Variants in ERBB4 observed in about 807,000 individuals in gnomAD.
The protein encoded by ERBB4 is receptor tyrosine-protein kinase erbB-4.
ERBB4 carries 42 observed loss-of-function variants against 158.0 expected under a neutral mutation model. The observed-to-expected ratio is 0.27, with a 90% confidence interval of 0.21 to 0.34. The LOEUF is 0.34. ERBB4 is among the 10% of genes least tolerant of loss of function. ERBB4 has a pLI of 1.00. For synonymous variants in ERBB4, 583 were observed against 558.7 expected, an observed-to-expected ratio of 1.04 and a Z score of -0.61; for missense variants, 1,333 against 1,624.1, an observed-to-expected ratio of 0.82 and a Z score of 3.08.
chr2:211,584,919 A>G (rs1053649039), intron 19 of ERBB4, among the ~76,000 whole-genome samples: 3 of 151,988 alleles, frequency 2.0e-5, no homozygotes, highest in Non-Finnish European at 4.4e-5. Flanking sequence ...TGTTTTATTT[A>G]TTTGTGGCGC....
At chr2:212,098,168 C>T (rs989272465) in intron 2 of ERBB4, among the ~76,000 whole-genome samples, 3 of 152,126 alleles carry the variant, frequency 2.0e-5, no homozygotes, top group African/African-American at 7.2e-5. Flanking sequence ...GAAGCTTAAT[C>T]TTCATGGCTC....
chr2:211,731,546 G>C (rs1326572371), intron 5 of ERBB4, among the ~76,000 whole-genome samples: 1 of 152,060 alleles, frequency 6.6e-6, no homozygotes, highest in Non-Finnish European at 1.5e-5. Flanking sequence ...GTGTTTATTT[G>C]TCAGTATTTT....
intron 4 of ERBB4, among the ~76,000 whole-genome samples, chr2:211,751,254 ATGT>A (rs571462499): frequency 1.1e-3 from 170 of 152,294 alleles, no homozygotes; most frequent in Non-Finnish European, 2.1e-3. Flanking sequence ...TACTTCTAAA[ATGT>A]TTATTAACAT....
intron 26 of ERBB4, 79 bp downstream of exon 26, chr2:211,387,866 T>C (rs970620634): frequency 4.0e-5 from 45 of 1,121,310 alleles, no homozygotes; most frequent in Non-Finnish European, 6.2e-5. Context: ...ATGAGGAAAT[T>C]ATGCAGAGAC....
intron 16 of ERBB4, among the ~76,000 whole-genome samples, chr2:211,644,388 C>T (rs371867726): frequency 6.6e-6 from 1 of 151,770 alleles, no homozygotes; most frequent in Non-Finnish European, 1.5e-5. Flanking sequence ...AAAGCTATTG[C>T]CTAGGCGATG....
intron 1 of ERBB4, among the ~76,000 whole-genome samples, chr2:212,300,486 A>T (rs991767485): frequency 7.3e-5 from 11 of 151,542 alleles, no homozygotes; most frequent in African/African-American, 2.7e-4. Context: ...AGTACGTCTG[A>T]ATTTTTCTTG....
chr2:211,760,069 A>C (rs543360922), intron 4 of ERBB4, among the ~76,000 whole-genome samples: 1 of 152,358 alleles, frequency 6.6e-6, no homozygotes, highest in South Asian at 2.1e-4. Flanking sequence ...ATGAAAATAC[A>C]CATTAAGAAA....
Position 212,085,354 on chromosome 2 carries a change from A to T in ERBB4, c.234+39398T>A, listed in dbSNP as rs1333621741. On this transcript the variant is annotated intron_variant, in intron 2 of 27. Transcript: ENST00000342788. ...TACATGTGTATTATTTTGTTTCATG[A>T]ATCTTAGAGATAAAAGGCTGTATTT... 2.0e-5 allele frequency among the ~76,000 whole-genome samples: 3 copies of T among 151,978 alleles called. No individual in the cohort carries two copies. In the South Asian group the frequency reaches 6.2e-4, roughly 31 times the overall value.
intron 3 of ERBB4, among the ~76,000 whole-genome samples, chr2:211,909,059 A>T (rs1184711500): frequency 1.3e-5 from 2 of 151,712 alleles, no homozygotes; most frequent in African/African-American, 4.8e-5. Context: ...AAATTATTAG[A>T]ATATTATAAA....
intron 3 of ERBB4, among the ~76,000 whole-genome samples, chr2:211,904,411 T>C (rs1167434230): frequency 6.6e-6 from 1 of 152,112 alleles, no homozygotes; most frequent in East Asian, 1.9e-4. Context: ...GCTGAAACTC[T>C]AGGAGAAAAA....
At chr2:212,208,835 A>T (rs2082844899) in intron 1 of ERBB4, among the ~76,000 whole-genome samples, 1 of 152,166 alleles carries the variant, frequency 6.6e-6, no homozygotes, top group Non-Finnish European at 1.5e-5. Context: ...CATACTTTCA[A>T]CTAAATGAAA....
intron 20 of ERBB4, among the ~76,000 whole-genome samples, chr2:211,439,935 T>A (rs1275131999): frequency 6.6e-6 from 1 of 152,178 alleles, no homozygotes; most frequent in Non-Finnish European, 1.5e-5. Flanking sequence ...TTTTTTTTCT[T>A]GCTCCTTACA....
intron 3 of ERBB4, among the ~76,000 whole-genome samples, chr2:211,944,860 T>C (rs542040911): frequency 2.6e-4 from 39 of 152,190 alleles, no homozygotes; most frequent in African/African-American, 9.1e-4. Flanking sequence ...ATGGTGATGG[T>C]CCATTAAGAA....
intron 2 of ERBB4, among the ~76,000 whole-genome samples, chr2:212,032,709 G>T (rs1476593833): frequency 6.6e-6 from 1 of 151,930 alleles, no homozygotes. Context: ...ATTTGGTGGG[G>T]GAGGGTGGTA....
At chr2:212,346,946 T>C (rs1255046743) in intron 1 of ERBB4, among the ~76,000 whole-genome samples, 1 of 152,130 alleles carries the variant, frequency 6.6e-6, no homozygotes, top group East Asian at 1.9e-4. Context: ...AACATTCTTT[T>C]TATTGTACTT....
chr2:211,672,605 A>C (rs2071884038), intron 14 of ERBB4, among the ~76,000 whole-genome samples: 1 of 152,116 alleles, frequency 6.6e-6, no homozygotes, highest in Non-Finnish European at 1.5e-5. Context: ...CCTTCTTTCC[A>C]CTGTCTTTCA....
intron 1 of ERBB4, among the ~76,000 whole-genome samples, chr2:212,455,902 T>C (rs970983704): frequency 6.6e-6 from 1 of 152,156 alleles, no homozygotes; most frequent in Non-Finnish European, 1.5e-5. Flanking sequence ...GGGACCATGC[T>C]AGGTGCTGGG....
chr2:212,357,165 T>C (rs931492237), intron 1 of ERBB4, among the ~76,000 whole-genome samples: 3 of 151,914 alleles, frequency 2.0e-5, no homozygotes, highest in Non-Finnish European at 4.4e-5. Flanking sequence ...CATTTTCTTT[T>C]TGTTTACAAT....
chr2:211,431,129 T>C (rs1208482461), intron 20 of ERBB4, 29 bp from the exon 21 acceptor site: 1 of 1,604,160 alleles, frequency 6.2e-7, no homozygotes, highest in Admixed American at 1.7e-5. Context: ...CTTAATGATA[T>C]TCAGTTAATG....
Sources: allele counts gnomAD v4.1 joint callset (sites outside exome capture counted in the v4.1 genomes callset), GRCh38; gene constraint gnomAD v4.1.1; transcripts MANE v1.5; gene names NCBI Gene and HGNC (gene_info 2026-07-23, HGNC 2026-07-21).